Variants in SCHIP1 observed in about 807,000 individuals in gnomAD.
SCHIP1 encodes schwannomin interacting protein 1.
Under a neutral mutation model 29.7 loss-of-function variants are expected in SCHIP1, and 8 were observed. The ratio of observed to expected loss-of-function variants is 0.27; its 90% CI spans 0.16 to 0.49. The LOEUF (loss-of-function observed/expected upper bound fraction) is 0.49. Among genes scored for constraint, SCHIP1 ranks in the 20% least tolerant of loss-of-function variants. The pLI, the probability that SCHIP1 is intolerant of heterozygous loss-of-function variation, is 0.99. For synonymous variants in SCHIP1, 76 were observed against 94.9 expected, an observed-to-expected ratio of 0.80 and a Z score of 1.16; for missense variants, 193 against 294.6, an observed-to-expected ratio of 0.66 and a Z score of 2.52.
chr3:159,322,048 A>G, the SCHIP1 span, among the ~76,000 whole-genome samples: 1 of 151,844 alleles, frequency 6.6e-6, no homozygotes, highest in Non-Finnish European at 1.5e-5. Flanking sequence ...CATCTTTGCC[A>G]GTAGTTCATA....
At chr3:159,539,884 TAAAG>T in the SCHIP1 span, among the ~76,000 whole-genome samples, 1 of 151,846 alleles carries the variant, frequency 6.6e-6, no homozygotes. Context: ...ACTAAAGAAA[TAAAG>T]AGATGATTCC....
chr3:159,679,751 C>T, the SCHIP1 span, among the ~76,000 whole-genome samples: 2 of 152,096 alleles, frequency 1.3e-5, no homozygotes, highest in Admixed American at 6.5e-5. Flanking sequence ...GCTGGCGCAC[C>T]TCCTGCTGTC....
chr3:159,372,235 G>A, the SCHIP1 span, among the ~76,000 whole-genome samples: 4 of 152,004 alleles, frequency 2.6e-5, no homozygotes, highest in South Asian at 4.1e-4. Context: ...CTTAAAATAA[G>A]CCATGCTATA....
At chr3:159,430,201 AT>A in the SCHIP1 span, among the ~76,000 whole-genome samples, 18 of 152,326 alleles carry the variant, frequency 1.2e-4, no homozygotes, top group African/African-American at 4.3e-4. Flanking sequence ...TTTTTAAAAA[AT>A]AATCAGATTT....
intron 1 of SCHIP1, among the ~76,000 whole-genome samples, chr3:159,858,621 G>A (rs1386226469): frequency 1.3e-5 from 2 of 152,160 alleles, no homozygotes; most frequent in African/African-American, 2.4e-5. Context: ...ATTTATAAAT[G>A]CAGTTAGTTA....
chr3:159,717,197 C>A, the SCHIP1 span, among the ~76,000 whole-genome samples: 1 of 152,080 alleles, frequency 6.6e-6, no homozygotes, highest in Admixed American at 6.5e-5. Flanking sequence ...AACAAAGACA[C>A]AACATACCAG....
At chr3:159,550,437 GT>G in the SCHIP1 span, among the ~76,000 whole-genome samples, 1 of 152,056 alleles carries the variant, frequency 6.6e-6, no homozygotes, top group East Asian at 1.9e-4. Context: ...CCAAAGAATA[GT>G]TCTTTTAATG....
At chr3:159,488,326 T>C in the SCHIP1 span, among the ~76,000 whole-genome samples, 3 of 151,988 alleles carry the variant, frequency 2.0e-5, no homozygotes, top group African/African-American at 7.3e-5. Context: ...TAACGGAGAG[T>C]ATAAATGAAT....
At chr3:159,720,744 C>A in the SCHIP1 span, among the ~76,000 whole-genome samples, 1 of 152,174 alleles carries the variant, frequency 6.6e-6, no homozygotes, top group South Asian at 2.1e-4. Context: ...GCCAGCCAGC[C>A]CAGCTAATTT....
At chr3:159,703,268 C>T in the SCHIP1 span, among the ~76,000 whole-genome samples, 1 of 152,218 alleles carries the variant, frequency 6.6e-6, no homozygotes, top group Non-Finnish European at 1.5e-5. Flanking sequence ...ATAAAAACTC[C>T]ATCAACCATT....
chr3:159,559,124 A>G, the SCHIP1 span, among the ~76,000 whole-genome samples: 1 of 152,228 alleles, frequency 6.6e-6, no homozygotes, highest in South Asian at 2.1e-4. Context: ...GGATTGGGAT[A>G]GCCAAGTGCT....
the SCHIP1 span, among the ~76,000 whole-genome samples, chr3:159,595,032 C>A: frequency 1.3e-5 from 2 of 152,258 alleles, no homozygotes; most frequent in African/African-American, 4.8e-5. Flanking sequence ...TGCAATCACC[C>A]AGCGAGTGAC....
chr3:159,596,402 G>A, the SCHIP1 span, among the ~76,000 whole-genome samples: 1 of 152,098 alleles, frequency 6.6e-6, no homozygotes, highest in Admixed American at 6.5e-5. Context: ...GATTCCTCAA[G>A]GTTCTAGAAC....
At chr3:159,333,568 G>A in the SCHIP1 span, among the ~76,000 whole-genome samples, 8 of 151,920 alleles carry the variant, frequency 5.3e-5, no homozygotes, top group East Asian at 1.9e-4. Flanking sequence ...ATTAAAATTC[G>A]TGATTTATCA....
intron 4 of SCHIP1, 89 bp from the exon 6 acceptor site, chr3:159,888,731 G>T: frequency 6.5e-7 from 1 of 1,541,980 alleles, no homozygotes; most frequent in Non-Finnish European, 8.7e-7. Flanking sequence ...GGGTGGGTGA[G>T]TGGGTCTTTT....
the SCHIP1 span, among the ~76,000 whole-genome samples, chr3:159,821,789 C>A: frequency 6.6e-6 from 1 of 152,146 alleles, no homozygotes; most frequent in East Asian, 1.9e-4. Flanking sequence ...TTCTCTTTGG[C>A]ATATCCGAAT....
the SCHIP1 span, among the ~76,000 whole-genome samples, chr3:159,506,165 A>C: frequency 1.3e-5 from 2 of 152,286 alleles, no homozygotes; most frequent in East Asian, 3.9e-4. Flanking sequence ...TGCCATTCTA[A>C]CTGGTGTGAG....
chr3:159,436,739 C>A, the SCHIP1 span, among the ~76,000 whole-genome samples: 2 of 152,124 alleles, frequency 1.3e-5, no homozygotes, highest in African/African-American at 4.8e-5. Context: ...GTAGCACATT[C>A]CTTATGTGAA....
the SCHIP1 span, among the ~76,000 whole-genome samples, chr3:159,491,933 G>T: frequency 6.6e-6 from 1 of 152,186 alleles, no homozygotes; most frequent in East Asian, 1.9e-4. Context: ...AGCAGCATTT[G>T]CAGTTCATCA....
Sources: allele counts gnomAD v4.1 joint callset (sites outside exome capture counted in the v4.1 genomes callset), GRCh38; gene constraint gnomAD v4.1.1; transcripts MANE v1.5; gene names NCBI Gene and HGNC (gene_info 2026-07-23, HGNC 2026-07-21).